Variants in TCHP observed in about 807,000 individuals in gnomAD.
TCHP encodes trichoplein keratin filament binding, also known as trichoplein keratin filament-binding protein.
Under a neutral mutation model 88.7 loss-of-function variants are expected in TCHP, and 81 were observed. That is an observed-to-expected ratio of 0.91 (90% CI 0.76 to 1.10). TCHP has a LOEUF of 1.10. Among genes scored for constraint, TCHP ranks in the 50% least tolerant of loss-of-function variants. The probability of loss-of-function intolerance (pLI) is 0.00; values close to 1 mark genes in which losing one functional copy is unlikely to be tolerated. For synonymous variants in TCHP, 232 were observed against 232.5 expected (o/e 1.00, Z 0.02); for missense variants, 641 against 632.1 (o/e 1.01, Z -0.15).
In TCHP at chr12:109,916,680, C is replaced by A; in HGVS notation, c.*57C>A. Reference sequence around the variant, plus strand: ...GGATGCTGAGGCTTCTGATCCCAGCCGCCAGGCAGTTTTACAGGGCTCTGT... The same window carrying A: ...GGATGCTGAGGCTTCTGATCCCAGCAGCCAGGCAGTTTTACAGGGCTCTGT... On this transcript the variant is annotated 3_prime_UTR_variant, in exon 13 of 13. Transcript: ENST00000405876. The A allele has an allele frequency of 6.3e-7, 1 of 1,579,006 alleles. No homozygotes were observed. Among genetic ancestry groups the A allele is most frequent in the African/African-American group, 1.4e-5 (1 of 73,688 alleles).
intron 6 of TCHP, among the ~76,000 whole-genome samples, chr12:109,908,098 G>C (rs1421364786): frequency 6.6e-6 from 1 of 151,930 alleles, no homozygotes; most frequent in Admixed American, 6.5e-5. Flanking sequence ...TCCAGGGGCT[G>C]TTTTTGGAGA....
intron 11 of TCHP, 61 bp downstream of exon 11, chr12:109,914,688 G>C: frequency 6.8e-7 from 1 of 1,470,988 alleles, no homozygotes; most frequent in Non-Finnish European, 9.3e-7. Context: ...ATCATCATGG[G>C]ACAGGGTTCA....
chr12:109,892,825 A>G, the TCHP span, among the ~76,000 whole-genome samples: 2 of 151,932 alleles, frequency 1.3e-5, no homozygotes, highest in African/African-American at 4.8e-5. Flanking sequence ...AGACACTGTG[A>G]GGATGAAGGT....
chr12:109,883,349 C>A, the TCHP span, among the ~76,000 whole-genome samples: 1 of 152,104 alleles, frequency 6.6e-6, no homozygotes, highest in Admixed American at 6.6e-5. Flanking sequence ...ATGTTTTAAT[C>A]TTTCAGAGGG....
Position 109,905,018 on chromosome 12 carries a change from C to T in TCHP, c.456+225C>T, listed in dbSNP as rs527287059. The stretch of plus-strand genomic sequence containing the variant: ...CCTCCGCTGCCTGGTCTGCCAGGTG[C>T]GGGCATGGAGATTAGACATGGTTTC... On this transcript the variant is annotated intron_variant, in intron 4 of 12. Coordinates refer to ENST00000405876, the MANE Select transcript of TCHP (RefSeq NM_001143852.2). The surrounding 1 kb of genome is among the most constrained non-coding windows in gnomAD (Gnocchi z 4.0). 16 of 544,924 alleles carry T rather than the reference C, an allele frequency of 2.9e-5. No homozygotes were observed. In the East Asian group the frequency reaches 4.4e-4, roughly 15 times the overall value. The allele number at this position is 544,924 out of a possible 1,614,324, so 33.8% of individuals were successfully genotyped here. A position where few individuals can be genotyped will look rare whatever the true frequency, so the allele number is the denominator to read the frequency against.
At chr12:109,908,070 A>G (rs1479410774) in intron 6 of TCHP, among the ~76,000 whole-genome samples, 2 of 152,200 alleles carry the variant, frequency 1.3e-5, no homozygotes, top group African/African-American at 4.8e-5. Flanking sequence ...GTCTCGAGGC[A>G]TAACTGAGGG....
chr12:109,913,624 G>C (rs1057283817), intron 10 of TCHP, among the ~76,000 whole-genome samples: 1 of 152,156 alleles, frequency 6.6e-6, no homozygotes, highest in Non-Finnish European at 1.5e-5. Context: ...CTGCTTTCCT[G>C]GTCAGTGTGT....
At chr12:109,897,476 CT>C (rs147466360), upstream of TCHP, among the ~76,000 whole-genome samples, 1,090 of 152,296 alleles carry the variant, frequency 7.2e-3, 10 homozygotes, top group African/African-American at 0.025. Context: ...GTGGAAAGGC[CT>C]TGCCCAAGAG....
At chr12:109,904,282 G>C (rs1331681933) in intron 3 of TCHP, 135 bp downstream of exon 3, 1 of 757,750 alleles carries the variant, frequency 1.3e-6, no homozygotes, top group African/African-American at 1.8e-5. Context: ...CAGGAAAAGA[G>C]CTTAGGTCCT....
upstream of TCHP, among the ~76,000 whole-genome samples, chr12:109,896,801 G>T (rs529113095): frequency 6.6e-6 from 1 of 152,224 alleles, no homozygotes; most frequent in African/African-American, 2.4e-5. Flanking sequence ...TGTAATCCCA[G>T]CTACTTAAGA....
At chr12:109,899,238 A>G (rs1454361649), upstream of TCHP, among the ~76,000 whole-genome samples, 2 of 152,192 alleles carry the variant, frequency 1.3e-5, no homozygotes, top group African/African-American at 2.4e-5. Flanking sequence ...ATTTTTCTTC[A>G]TTTTCTTTTT....
chr12:109,908,889 G>A lies in TCHP; in HGVS notation c.831G>A (p.Gln277=), dbSNP rs1319795775. The change falls in exon 8 of 13, where the codon CAG becomes CAA. Residue 277 remains glutamine (Q), a synonymous_variant. Transcript: ENST00000405876. ...CCTTCAGGCGTTTCTTGAGACATCA[G>A]TATAACGCTCAACTCAGCAGACGCA... The part of the protein sequence containing the change: ...KAELGRFLRH[Q]YNAQLSRRTQ... 6.2e-7 allele frequency: 1 copy of A among 1,614,250 alleles called. No homozygotes were observed. Among genetic ancestry groups the A allele is most frequent in the East Asian group, 2.2e-5 (1 of 44,888 alleles).
At chr12:109,890,871 T>C in the TCHP span, among the ~76,000 whole-genome samples, 1 of 152,162 alleles carries the variant, frequency 6.6e-6, no homozygotes, top group African/African-American at 2.4e-5. Flanking sequence ...AGACCAGGCT[T>C]TGCCAGGCAA....
At chr12:109,895,335 A>G (rs1869532518), upstream of TCHP, among the ~76,000 whole-genome samples, 1 of 149,104 alleles carries the variant, frequency 6.7e-6, no homozygotes, top group Non-Finnish European at 1.5e-5. Context: ...TCCACGTCCC[A>G]GGTAGCTGGG....
chr12:109,907,395 T>C (rs1237921180), intron 5 of TCHP, 131 bp from the exon 6 acceptor site: 11 of 895,578 alleles, frequency 1.2e-5, no homozygotes, highest in Middle Eastern at 2.3e-4. Context: ...ACTTGGCGTC[T>C]GAGGGCGTTG....
chr12:109,913,007 A>T lies in TCHP; in HGVS notation c.1069A>T (p.Met357Leu), dbSNP rs1450121145. 3 of 1,613,558 alleles carry T rather than the reference A, an allele frequency of 1.9e-6. No individual in the cohort carries two copies. The highest frequency in any genetic ancestry group is 3.3e-5 in the Admixed American group (2 of 59,960). Residue 357 changes from methionine (M) to leucine (L), a missense_variant, in exon 10 of 13, where the codon ATG becomes TTG. Met to Leu is a conservative substitution (Grantham distance 15). Coordinates refer to ENST00000405876, the MANE Select transcript of TCHP (RefSeq NM_001143852.2). ...QMLLREEAKE[M>L]WEKREAEWAR... Reference sequence around the variant, plus strand: ...TTTGCCCAGGGAGGAGGCCAAGGAGATGTGGGAAAAGAGAGAGGCAGAGTG... The same window carrying T: ...TTTGCCCAGGGAGGAGGCCAAGGAGTTGTGGGAAAAGAGAGAGGCAGAGTG...
intron 11 of TCHP, chr12:109,914,910 A>G: frequency 2.3e-6 from 1 of 425,536 alleles, no homozygotes; most frequent in South Asian, 2.4e-5. Context: ...ATCTCTCTTC[A>G]TTTCAGTCCC....
chr12:109,907,383 TG>T, intron 5 of TCHP, 142 bp from the exon 6 acceptor site: 1 of 809,458 alleles, frequency 1.2e-6, no homozygotes, highest in Non-Finnish European at 2.0e-6. Context: ...AGTCCCTCCC[TG>T]ACTTGGCGTC....
At position 109,903,553 on chromosome 12, in the gene TCHP, A is replaced by G. The variant is rs1379826265; in HGVS notation, c.188+339A>G. Among the ~76,000 whole-genome samples the G allele has an allele frequency of 5.3e-5, 8 of 152,178 alleles. No homozygotes were observed. Among genetic ancestry groups the G allele is most frequent in the South Asian group, 2.1e-4 (1 of 4,826 alleles). On this transcript the variant is annotated intron_variant, in intron 2 of 12. Coordinates refer to ENST00000405876, the MANE Select transcript of TCHP (RefSeq NM_001143852.2). The surrounding 1 kb of genome is among the most constrained non-coding windows in gnomAD (Gnocchi z 4.6). ...AATATACACACACAAAGCTACTTTT[A>G]TAGAAATACGTGTAAAAACATGGAG...
Sources: gnomAD v4.1 joint callset for allele counts (sites outside exome capture counted in the v4.1 genomes callset) on GRCh38, gnomAD v4.1.1 for gene constraint, Gnocchi (gnomAD v3.1) non-coding constraint, MANE v1.5 for transcripts, NCBI Gene and HGNC (gene_info 2026-07-23, HGNC 2026-07-21) for gene names.